Variants in CDON observed in about 807,000 individuals in gnomAD.
The protein encoded by CDON is cell adhesion associated, oncogene regulated, also known as cell adhesion molecule-related/down-regulated by oncogenes.
CDON carries 73 observed loss-of-function variants against 120.9 expected under a neutral mutation model. That is an observed-to-expected ratio of 0.60 (90% CI 0.50 to 0.73). CDON has a LOEUF of 0.73. CDON is among the 30% of genes least tolerant of loss of function. CDON has a pLI of 0.00. For synonymous variants in CDON, 566 were observed against 573.5 expected, an observed-to-expected ratio of 0.99 and a Z score of 0.19; for missense variants, 1,470 against 1,587.3, an observed-to-expected ratio of 0.93 and a Z score of 1.26.
rs761918589 is a variant in CDON, at chr11:126,015,282, A to G, written c.1157T>C (p.Ile386Thr). Reference sequence around the variant, plus strand: ...TCTTCCAGTAGAGTGCATAAATCCAATCCCATTATCTGCTACACACTGATA... The same window carrying G: ...TCTTCCAGTAGAGTGCATAAATCCAGTCCCATTATCTGCTACACACTGATA... ...GMYQCVADNG[I>T]GFMHSTGRLE... is the part of the protein sequence containing the mutation. Residue 386 changes from isoleucine (I) to threonine (T), a missense_variant, in exon 7 of 20, where the codon ATT becomes ACT. Ile to Thr is a moderately conservative substitution (Grantham distance 89). Coordinates refer to ENST00000531738, the MANE Select transcript of CDON (RefSeq NM_001378964.1). 11 of 1,613,992 alleles carry G rather than the reference A, an allele frequency of 6.8e-6. No homozygotes were observed. Among genetic ancestry groups the G allele is most frequent in the South Asian group, 1.1e-5 (1 of 91,074 alleles).
intron 18 of CDON, among the ~76,000 whole-genome samples, chr11:125,976,541 A>C (rs1946153789): frequency 7.0e-6 from 1 of 141,884 alleles, no homozygotes; most frequent in African/African-American, 2.5e-5. Context: ...TCATTGTCTT[A>C]AAGGAAAAAA....
intron 14 of CDON, among the ~76,000 whole-genome samples, chr11:125,991,132 T>C (rs868464870): frequency 1.3e-5 from 2 of 152,358 alleles, no homozygotes; most frequent in South Asian, 4.1e-4. Flanking sequence ...GGCATTAAAC[T>C]AGGCTTCTGA....
intron 19 of CDON, 192 bp downstream of exon 19, chr11:125,961,532 A>G: frequency 1.5e-6 from 1 of 675,064 alleles, no homozygotes; most frequent in Non-Finnish European, 2.5e-6. Context: ...GACATGAGTA[A>G]TAACAGAATT....
At chr11:126,029,284 T>C (rs1947886612) in intron 1 of CDON, among the ~76,000 whole-genome samples, 1 of 152,198 alleles carries the variant, frequency 6.6e-6, no homozygotes, top group South Asian at 2.1e-4. Context: ...GCCATATTCA[T>C]CAAACCTTGT....
intron 14 of CDON, among the ~76,000 whole-genome samples, chr11:125,992,396 T>G: frequency 6.6e-6 from 1 of 152,334 alleles, no homozygotes; most frequent in Non-Finnish European, 1.5e-5. Context: ...CAGAAAAGTC[T>G]ACATAACTGT....
At chr11:126,017,909 T>A (rs1947517629) in intron 5 of CDON, among the ~76,000 whole-genome samples, 1 of 150,840 alleles carries the variant, frequency 6.6e-6, no homozygotes, top group South Asian at 2.1e-4. Flanking sequence ...TGTATTTACT[T>A]TTTTTTTTAA....
At chr11:126,015,658 C>G in intron 6 of CDON, 148 bp from the exon 7 acceptor site, 1 of 835,628 alleles carries the variant, frequency 1.2e-6, no homozygotes. Flanking sequence ...CTGTGGTAAT[C>G]AAGAAAAAAA....
chr11:125,987,573 A>C (rs950418763), intron 15 of CDON, among the ~76,000 whole-genome samples: 3 of 152,232 alleles, frequency 2.0e-5, no homozygotes, highest in Admixed American at 2.0e-4. Flanking sequence ...CACTGACCTG[A>C]AAGTCTGTAG....
rs1381116987 is a variant in CDON at position 125,992,697 on chromosome 11, A to T, written c.2650+1587T>A. On this transcript the variant is annotated intron_variant, in intron 14 of 19. Coordinates refer to ENST00000531738, the MANE Select transcript of CDON (RefSeq NM_001378964.1). ...CATAAATTTCTCATTATATTACAAA[A>T]GTCATTCCACTGGATAAATATGAAA... is the stretch of plus-strand genomic sequence containing the variant. Among the ~76,000 whole-genome samples the T allele has an allele frequency of 2.6e-5, 4 of 152,238 alleles. No individual in the cohort carries two copies. In the South Asian group the frequency reaches 6.2e-4, roughly 24 times the overall value.
rs531736637 is a variant in CDON, at chr11:126,000,754, G to A, written c.2158+965C>T. ...GATATTGAAGATACAGAGGTGCTTC[G>A]GAGGGAGTTCAAAGTGTTATAACCT... is the stretch of plus-strand genomic sequence containing the variant. On this transcript the variant is annotated intron_variant, in intron 11 of 19. Coordinates refer to ENST00000531738, the MANE Select transcript of CDON (RefSeq NM_001378964.1). Among the ~76,000 whole-genome samples, 4 of 152,224 alleles carry A rather than the reference G, an allele frequency of 2.6e-5. No individual in the cohort carries two copies. In the South Asian group the frequency reaches 6.2e-4, roughly 24 times the overall value.
intron 10 of CDON, among the ~76,000 whole-genome samples, chr11:126,002,282 T>C (rs1213052743): frequency 6.6e-6 from 1 of 152,192 alleles, no homozygotes; most frequent in African/African-American, 2.4e-5. Context: ...GTGAAATTGA[T>C]TTGTTAAAAA....
chr11:126,038,545 G>C (rs984826171), intron 1 of CDON, among the ~76,000 whole-genome samples: 4 of 151,826 alleles, frequency 2.6e-5, no homozygotes, highest in Non-Finnish European at 4.4e-5. Flanking sequence ...CCAGCTACTC[G>C]GGACGCTGAG....
At chr11:126,031,639 T>G (rs570185155) in intron 1 of CDON, among the ~76,000 whole-genome samples, 2 of 152,346 alleles carry the variant, frequency 1.3e-5, no homozygotes, top group African/African-American at 4.8e-5. Context: ...TTAGTGAGAT[T>G]CTACTAATCT....
Position 125,987,712 on chromosome 11 carries a change from T to C in CDON, c.2773+1925A>G, listed in dbSNP as rs1158950837. On this transcript the variant is annotated intron_variant, in intron 15 of 19. Coordinates refer to ENST00000531738, the MANE Select transcript of CDON (RefSeq NM_001378964.1). ...TTTTGTCTGGCTAGATTCTTAAATG[T>C]CCTGGGGACAGAGATGATAAATTTC... 2.0e-5 allele frequency among the ~76,000 whole-genome samples: 3 copies of C among 152,232 alleles called. No individual in the cohort carries two copies. In the East Asian group the frequency reaches 5.8e-4, roughly 29 times the overall value.
chr11:125,968,030 T>C (rs1477732272), intron 18 of CDON, among the ~76,000 whole-genome samples: 1 of 152,160 alleles, frequency 6.6e-6, no homozygotes, highest in Admixed American at 6.5e-5. Flanking sequence ...CTAAAACCTA[T>C]ATTTTAAAGA....
At chr11:125,990,504 G>C (rs1946605738) in intron 14 of CDON, among the ~76,000 whole-genome samples, 1 of 152,110 alleles carries the variant, frequency 6.6e-6, no homozygotes, top group African/African-American at 2.4e-5. Flanking sequence ...ATGGACCTGT[G>C]ACAATCTTTC....
At chr11:126,063,007 C>T (rs1315582244), upstream of CDON, among the ~76,000 whole-genome samples, 2 of 151,880 alleles carry the variant, frequency 1.3e-5, no homozygotes, top group African/African-American at 4.8e-5. Context: ...GCCGTAGAGG[C>T]CGCTGTGCCC....
intron 14 of CDON, among the ~76,000 whole-genome samples, chr11:125,992,611 T>C (rs1005762265): frequency 9.2e-5 from 14 of 152,150 alleles, no homozygotes; most frequent in African/African-American, 3.4e-4. Context: ...GAAACAATCA[T>C]TCCCTCATTC....
Position 126,021,527 on chromosome 11 carries a change from G to C in CDON, c.77-7C>G, listed in dbSNP as rs1394639122. ...GTAAAATAAGGTGCCAAGTCTACAA[G>C]GGAATATTCCCCATATGCAAAGAAA... On this transcript the variant is annotated splice_polypyrimidine_tract_variant and splice_region_variant and intron_variant, in intron 2 of 19. Coordinates refer to ENST00000531738, the MANE Select transcript of CDON (RefSeq NM_001378964.1). The C allele has an allele frequency of 1.2e-6, 2 of 1,613,182 alleles. No individual in the cohort carries two copies. The highest frequency in any genetic ancestry group is 1.7e-6 in the Non-Finnish European group (2 of 1,179,558).
Sources: gnomAD v4.1 joint callset for allele counts (sites outside exome capture counted in the v4.1 genomes callset) on GRCh38, gnomAD v4.1.1 for gene constraint, MANE v1.5 for transcripts, NCBI Gene and HGNC (gene_info 2026-07-23, HGNC 2026-07-21) for gene names.